Variants in TXNRD1 observed in about 807,000 individuals in gnomAD.
TXNRD1 encodes thioredoxin reductase 1, also known as thioredoxin reductase 1, cytoplasmic.
TXNRD1 carries 57 observed loss-of-function variants against 80.3 expected under a neutral mutation model. That is an observed-to-expected ratio of 0.71 (90% CI 0.57 to 0.89). TXNRD1 has a LOEUF of 0.89. TXNRD1 is among the 40% of genes least tolerant of loss of function. The probability of loss-of-function intolerance (pLI) is 0.00; values close to 1 mark genes in which losing one functional copy is unlikely to be tolerated. For synonymous variants in TXNRD1, 291 were observed against 285.2 expected (o/e 1.02, Z -0.20); for missense variants, 730 against 803.0 (o/e 0.91, Z 1.10).
Position 104,311,403 on chromosome 12 carries a change from A to C in TXNRD1, c.528A>C (p.Ala176=). 1 of 1,613,616 alleles carries C rather than the reference A, an allele frequency of 6.2e-7. No homozygotes were observed. The highest frequency in any genetic ancestry group is 8.5e-7 in the Non-Finnish European group (1 of 1,179,734). The change falls in exon 5 of 17, where the codon GCA becomes GCC. Residue 176 remains alanine, a synonymous_variant. Transcript: ENST00000525566. The part of the protein sequence containing the change: ...IIIGGGSGGL[A]AAKEAAQYGK... ...TTGGAGGTGGCTCAGGAGGTCTGGC[A>C]GCTGCTAAGGCAAGGCTCCTTGTGT...
intron 3 of TXNRD1, among the ~76,000 whole-genome samples, chr12:104,272,674 C>T (rs902052603): frequency 1.3e-5 from 2 of 151,860 alleles, no homozygotes; most frequent in African/African-American, 4.8e-5. Context: ...CGCCTGTAGT[C>T]CCAGCTACTC....
chr12:104,223,537 G>A (rs917889771), intron 1 of TXNRD1, among the ~76,000 whole-genome samples: 2 of 152,276 alleles, frequency 1.3e-5, no homozygotes, highest in Non-Finnish European at 2.9e-5. Context: ...ATGTAACACT[G>A]GACTACCATT....
At chr12:104,248,239 A>G (rs898950941) in intron 1 of TXNRD1, among the ~76,000 whole-genome samples, 4 of 152,074 alleles carry the variant, frequency 2.6e-5, no homozygotes, top group Non-Finnish European at 5.9e-5. Context: ...GTGTGTGAAC[A>G]TATATGAATA....
intron 4 of TXNRD1, among the ~76,000 whole-genome samples, chr12:104,294,635 C>T (rs1272536545): frequency 1.3e-5 from 2 of 152,206 alleles, no homozygotes; most frequent in Non-Finnish European, 2.9e-5. Flanking sequence ...CTCGTGTCCT[C>T]TGTCTCTTGC....
intron 1 of TXNRD1, among the ~76,000 whole-genome samples, chr12:104,217,318 GTTT>G (rs59546712): frequency 5.6e-5 from 7 of 126,126 alleles, no homozygotes; most frequent in Non-Finnish European, 1.0e-4. Context: ...TAACAATTTT[GTTT>G]TTTTTTTTTT....
At chr12:104,247,437 A>G (rs550732045) in intron 1 of TXNRD1, among the ~76,000 whole-genome samples, 1 of 152,218 alleles carries the variant, frequency 6.6e-6, no homozygotes, top group Admixed American at 6.5e-5. Context: ...TACTTAACAT[A>G]TTTCTTTGAA....
At chr12:104,264,797 G>C (rs890527495) in intron 3 of TXNRD1, among the ~76,000 whole-genome samples, 1 of 152,128 alleles carries the variant, frequency 6.6e-6, no homozygotes, top group Non-Finnish European at 1.5e-5. Context: ...TGTACGTGAA[G>C]TTTTTGCTGT....
chr12:104,262,155 G>A (rs1037617633), intron 3 of TXNRD1, among the ~76,000 whole-genome samples: 1 of 149,292 alleles, frequency 6.7e-6, no homozygotes, highest in Non-Finnish European at 1.5e-5. Flanking sequence ...TTGCTTGAAC[G>A]CAGGAGGCGG....
intron 1 of TXNRD1, among the ~76,000 whole-genome samples, chr12:104,242,588 TTCTTA>T (rs1394346977): frequency 6.6e-6 from 1 of 152,260 alleles, no homozygotes; most frequent in African/African-American, 2.4e-5. Flanking sequence ...TAAAATGATT[TTCTTA>T]TCTTATTAAC....
chr12:104,293,366 A>G (rs910581599), intron 4 of TXNRD1, among the ~76,000 whole-genome samples: 2 of 152,224 alleles, frequency 1.3e-5, no homozygotes, highest in Non-Finnish European at 2.9e-5. Context: ...ACAGGCACCA[A>G]GCAATGCGGG....
intron 1 of TXNRD1, among the ~76,000 whole-genome samples, chr12:104,239,144 G>C (rs2032803571): frequency 6.6e-6 from 1 of 151,672 alleles, no homozygotes; most frequent in African/African-American, 2.4e-5. Context: ...TAGACGTTTG[G>C]GAGAATTTAT....
intron 1 of TXNRD1, among the ~76,000 whole-genome samples, chr12:104,218,479 G>C (rs2032273220): frequency 6.6e-6 from 1 of 151,930 alleles, no homozygotes; most frequent in Non-Finnish European, 1.5e-5. Flanking sequence ...CCCATACCAA[G>C]GGCAAACACT....
chr12:104,299,926 G>C (rs2034564682), intron 4 of TXNRD1, among the ~76,000 whole-genome samples: 1 of 152,158 alleles, frequency 6.6e-6, no homozygotes, highest in Non-Finnish European at 1.5e-5. Context: ...ATGAAAGAAG[G>C]AACAGAAAAG....
intron 4 of TXNRD1, chr12:104,305,007 A>G: frequency 7.0e-7 from 1 of 1,422,772 alleles, no homozygotes; most frequent in Non-Finnish European, 9.4e-7. Context: ...TGTAAACTGA[A>G]GCACATATTG....
chr12:104,327,788 G>A, intron 13 of TXNRD1, 117 bp downstream of exon 13: 1 of 1,100,206 alleles, frequency 9.1e-7, no homozygotes, highest in Non-Finnish European at 1.3e-6. Context: ...TTTTGGTGAT[G>A]GCATCCTAGA....
At chr12:104,235,071 A>G (rs943871726) in intron 1 of TXNRD1, among the ~76,000 whole-genome samples, 1 of 152,186 alleles carries the variant, frequency 6.6e-6, no homozygotes, top group Non-Finnish European at 1.5e-5. Context: ...CGCAAAGAAA[A>G]TGAGCACTCA....
At chr12:104,297,810 T>G (rs557528256) in intron 4 of TXNRD1, among the ~76,000 whole-genome samples, 1 of 152,332 alleles carries the variant, frequency 6.6e-6, no homozygotes, top group Admixed American at 6.5e-5. Context: ...CCTAGAATGC[T>G]GCATCCTTTA....
At chr12:104,308,123 G>A (rs1354034839) in intron 4 of TXNRD1, among the ~76,000 whole-genome samples, 2 of 151,978 alleles carry the variant, frequency 1.3e-5, no homozygotes, top group Non-Finnish European at 2.9e-5. Flanking sequence ...AGCCTCTCGA[G>A]TAGCTGGGAC....
At chr12:104,270,522 A>T (rs767908896) in intron 3 of TXNRD1, among the ~76,000 whole-genome samples, 1 of 152,230 alleles carries the variant, frequency 6.6e-6, no homozygotes, top group African/African-American at 2.4e-5. Flanking sequence ...ATGTGCTGTC[A>T]TTCAGGCTTT....
Sources: allele counts gnomAD v4.1 joint callset (sites outside exome capture counted in the v4.1 genomes callset), GRCh38; gene constraint gnomAD v4.1.1; transcripts MANE v1.5; gene names NCBI Gene and HGNC (gene_info 2026-07-23, HGNC 2026-07-21).